Variants in MYOM2 observed in about 807,000 individuals in gnomAD.
The protein encoded by MYOM2 is myomesin 2.
Under a neutral mutation model 187.6 loss-of-function variants are expected in MYOM2, and 254 were observed. That is an observed-to-expected ratio of 1.35 (90% CI 1.22 to 1.50). MYOM2 has a LOEUF of 1.50. Ranked by LOEUF, MYOM2 falls within the 40% of genes most tolerant of loss-of-function variation. MYOM2 has a pLI of 0.00. For missense variants in MYOM2, 2,796 were observed against 1,924.0 expected, an observed-to-expected ratio of 1.45 and a Z score of -8.48; for synonymous variants, 981 against 753.8, an observed-to-expected ratio of 1.30 and a Z score of -4.94.
chr8:2,082,669 C>A lies in MYOM2; in HGVS notation c.1517-2594C>A, dbSNP rs1348276063. 2.6e-5 allele frequency among the ~76,000 whole-genome samples: 4 copies of A among 152,136 alleles called. No individual in the cohort carries two copies. In the East Asian group the frequency reaches 7.7e-4, roughly 29 times the overall value. On this transcript the variant is annotated intron_variant, in intron 13 of 36. Transcript: ENST00000262113. ...AATGGACACTGTATTTTTGGAAAGGCCAGAATAGACCCTCACAGAATATAA... is the reference window on the plus strand; with the variant it reads ...AATGGACACTGTATTTTTGGAAAGGACAGAATAGACCCTCACAGAATATAA...
At position 2,096,302 on chromosome 8, in the gene MYOM2, G is replaced by T. The variant is rs767094793; in HGVS notation, c.2181G>T (p.Met727Ile). ...TCCTCAACTGTGACGGCCACTCCAT[G>T]ACCCTCGGCTGGAAGGTCCCGAAAT... Reference protein sequence around the residue: ...ITLLNCDGHSMTLGWKVPKFS... With the variant: ...ITLLNCDGHSITLGWKVPKFS... The change falls in exon 18 of 37, where the codon ATG (methionine) becomes ATT (isoleucine). Residue 727 changes from methionine (M) to isoleucine (I), a missense_variant. Transcript: ENST00000262113. 14 of 1,614,048 alleles carry T rather than the reference G, an allele frequency of 8.7e-6. No individual in the cohort carries two copies. In the South Asian group the frequency reaches 9.9e-5, roughly 11 times the overall value.
chr8:2,125,114 G>C (rs780412781), intron 31 of MYOM2, among the ~76,000 whole-genome samples: 27 of 151,978 alleles, frequency 1.8e-4, no homozygotes, highest in Non-Finnish European at 3.1e-4. Context: ...ATTTACTTTT[G>C]CTTTTGTTGC....
intron 32 of MYOM2, among the ~76,000 whole-genome samples, chr8:2,136,343 C>A (rs190659558): frequency 1.4e-5 from 2 of 147,990 alleles, no homozygotes; most frequent in African/African-American, 5.2e-5. Flanking sequence ...CAGCGGAGGC[C>A]GCAGCTGTGA....
At chr8:2,102,234 C>T (rs767584025) in intron 20 of MYOM2, 2 of 155,270 alleles carry the variant, frequency 1.3e-5, no homozygotes, top group Admixed American at 6.3e-5. Context: ...AGATGTTTAT[C>T]CAAGCAGGTT....
chr8:2,084,982 C>T, intron 13 of MYOM2: 1 of 400,336 alleles, frequency 2.5e-6, no homozygotes, highest in South Asian at 4.2e-5. Context: ...TCTGGTAAAT[C>T]CTTCCCCCTC....
chr8:2,092,303 G>A (rs1796331683), intron 15 of MYOM2, 43 bp from the exon 16 acceptor site: 2 of 1,599,006 alleles, frequency 1.3e-6, no homozygotes, highest in Non-Finnish European at 1.7e-6. Flanking sequence ...AGCTTCCAAA[G>A]CTCTGATGCC....
chr8:2,059,852 C>A (rs1260876128), intron 6 of MYOM2, among the ~76,000 whole-genome samples: 1 of 151,296 alleles, frequency 6.6e-6, no homozygotes, highest in Non-Finnish European at 1.5e-5. Context: ...AAGCGATTCT[C>A]CTGCCTCAGC....
At chr8:2,058,168 G>A (rs958568763) in intron 5 of MYOM2, among the ~76,000 whole-genome samples, 4 of 151,756 alleles carry the variant, frequency 2.6e-5, no homozygotes, top group Admixed American at 6.6e-5. Context: ...ACAGGTGTAC[G>A]CCACCACGCC....
chr8:2,059,280 C>G, intron 6 of MYOM2, 35 bp downstream of exon 6: 3 of 1,591,158 alleles, frequency 1.9e-6, no homozygotes, highest in Non-Finnish European at 1.7e-6. Context: ...ACGCTGGCGT[C>G]CAGTAATCAG....
chr8:2,125,463 C>T (rs1010206604), intron 31 of MYOM2, among the ~76,000 whole-genome samples: 3 of 152,124 alleles, frequency 2.0e-5, no homozygotes, highest in Non-Finnish European at 4.4e-5. Context: ...GTTCTAATGT[C>T]AGTGCCATGC....
rs147296854 is a variant in MYOM2, at chr8:2,049,647, G to A, written c.-12-1108G>A. On this transcript the variant is annotated intron_variant, in intron 1 of 36. Coordinates refer to ENST00000262113, the MANE Select transcript of MYOM2 (RefSeq NM_003970.4). ...TGTCTTTAAATAAGGACAGATCCTC[G>A]TCATTTAAACAGAAAAGTAAAAAAT... is the stretch of plus-strand genomic sequence containing the variant. Among the ~76,000 whole-genome samples, 148 of 152,278 alleles carry A rather than the reference G, an allele frequency of 9.7e-4. 1 individual carries two copies. In the East Asian group the frequency reaches 0.026, roughly 27 times the overall value.
At chr8:2,138,196 C>A (rs562121458) in intron 32 of MYOM2, among the ~76,000 whole-genome samples, 60 of 152,300 alleles carry the variant, frequency 3.9e-4, no homozygotes, top group African/African-American at 1.3e-3. Context: ...TCTGGCAAGT[C>A]CGTGTTGCCT....
At position 2,057,680 on chromosome 8, in the gene MYOM2, C is replaced by G. The variant is rs1487971522; in HGVS notation, c.460C>G (p.Pro154Ala). Reference protein sequence around the residue: ...HTFEERISRAPEILVRLRSHT... With the variant: ...HTFEERISRAAEILVRLRSHT... Reference sequence around the variant, plus strand: ...ATTTGAAGAGCGGATAAGCAGGGCTCCTGAGATCCTGGTGCGGCTGCGATC... The same window carrying G: ...ATTTGAAGAGCGGATAAGCAGGGCTGCTGAGATCCTGGTGCGGCTGCGATC... Residue 154 changes from proline (P) to alanine (A), a missense_variant, in exon 5 of 37, where the codon CCT becomes GCT. By Grantham distance (27) the Pro-to-Ala change is conservative. Transcript: ENST00000262113. 6.2e-7 allele frequency: 1 copy of G among 1,613,952 alleles called. No individual in the cohort carries two copies.
chr8:2,084,203 C>T (rs558619699), intron 13 of MYOM2, among the ~76,000 whole-genome samples: 11 of 152,308 alleles, frequency 7.2e-5, no homozygotes, highest in Admixed American at 2.0e-4. Context: ...GGGTGTCCCC[C>T]GCCCCAGTTA....
Position 2,109,543 on chromosome 8 carries a change from T to C in MYOM2, c.3180+12T>C. The C allele has an allele frequency of 6.2e-7, 1 of 1,603,312 alleles. No homozygotes were observed. Among genetic ancestry groups the C allele is most frequent in the Non-Finnish European group, 8.5e-7 (1 of 1,175,810 alleles). ...TCTCTGACAGCGAGGTGAGTTCCTG[T>C]GTGAGTGATCTCTGGCTTTGCAGGG... is the stretch of plus-strand genomic sequence containing the variant. On this transcript the variant is annotated intron_variant, in intron 25 of 36. Transcript: ENST00000262113.
intron 3 of MYOM2, among the ~76,000 whole-genome samples, chr8:2,053,938 C>A (rs896892471): frequency 2.6e-5 from 4 of 152,092 alleles, no homozygotes; most frequent in African/African-American, 9.7e-5. Context: ...AAACATAAGT[C>A]GTGGGGATCT....
At chr8:2,129,962 G>C (rs1369124969) in intron 32 of MYOM2, among the ~76,000 whole-genome samples, 2 of 152,200 alleles carry the variant, frequency 1.3e-5, no homozygotes, top group Non-Finnish European at 1.5e-5. Context: ...GGGAAGGACA[G>C]ACAGAGCAGG....
intron 32 of MYOM2, among the ~76,000 whole-genome samples, chr8:2,137,251 C>T (rs1290085577): frequency 1.3e-5 from 2 of 151,900 alleles, no homozygotes; most frequent in Non-Finnish European, 2.9e-5. Flanking sequence ...GATGAGCTCA[C>T]ACAGGGTGAT....
intron 14 of MYOM2, among the ~76,000 whole-genome samples, chr8:2,086,178 G>GCC (rs1243896843): frequency 0.04 from 79 of 1,996 alleles, 25 homozygotes; most frequent in South Asian, 0.067. Context: ...TCTCTGCGTG[G>GCC]CCCCACTGTC....
Sources: gnomAD v4.1 joint callset for allele counts (sites outside exome capture counted in the v4.1 genomes callset) on GRCh38, gnomAD v4.1.1 for gene constraint, MANE v1.5 for transcripts, NCBI Gene and HGNC (gene_info 2026-07-23, HGNC 2026-07-21) for gene names.